FGF14: variants seen among roughly 807,000 people sequenced by gnomAD.
FGF14 encodes fibroblast growth factor homologous factor 4.
Under a neutral mutation model 25.5 loss-of-function variants are expected in FGF14, and 5 were observed. The observed-to-expected ratio is 0.20, with a 90% CI of 0.10 to 0.41. FGF14 has a LOEUF of 0.41. Among genes scored for constraint, FGF14 ranks in the 10% least tolerant of loss-of-function variants. FGF14 has a pLI of 1.00. For synonymous variants in FGF14, 138 were observed against 118.3 expected (o/e 1.17, Z -1.08); for missense variants, 222 against 320.1 (o/e 0.69, Z 2.34).
chr13:102,047,526 G>A (rs2042038330), intron 1 of FGF14, among the ~76,000 whole-genome samples: 1 of 152,160 alleles, frequency 6.6e-6, no homozygotes, highest in African/African-American at 2.4e-5. Context: ...CACGTCCTTT[G>A]CAGGGACATG....
intron 1 of FGF14, among the ~76,000 whole-genome samples, chr13:102,396,559 G>A (rs993875723): frequency 2.0e-5 from 3 of 152,174 alleles, no homozygotes; most frequent in Non-Finnish European, 4.4e-5. Flanking sequence ...AAACATGGAA[G>A]ACTGGGTTCG....
At chr13:101,896,057 C>G (rs1461688859) in intron 1 of FGF14, among the ~76,000 whole-genome samples, 2 of 152,156 alleles carry the variant, frequency 1.3e-5, no homozygotes, top group East Asian at 1.9e-4. Flanking sequence ...CAAAGATATA[C>G]CTATGGGTTC....
At chr13:101,803,128 C>CTT (rs538040504) in intron 3 of FGF14, among the ~76,000 whole-genome samples, 189 of 132,938 alleles carry the variant, frequency 1.4e-3, no homozygotes, top group Middle Eastern at 0.011. Flanking sequence ...CATTTTGAAA[C>CTT]TTTTTTTTTT....
At chr13:102,200,988 G>A (rs535325040) in intron 1 of FGF14, among the ~76,000 whole-genome samples, 1 of 151,664 alleles carries the variant, frequency 6.6e-6, no homozygotes, top group African/African-American at 2.4e-5. Context: ...TGTAGTCCCA[G>A]CTACTGGGGA....
chr13:101,870,630 G>A (rs979315474), intron 2 of FGF14, among the ~76,000 whole-genome samples: 7 of 152,246 alleles, frequency 4.6e-5, no homozygotes, highest in African/African-American at 1.4e-4. Flanking sequence ...AAAAATACTA[G>A]TGTTTTTCCC....
At chr13:102,344,175 A>T (rs1444929031) in intron 1 of FGF14, among the ~76,000 whole-genome samples, 1 of 152,236 alleles carries the variant, frequency 6.6e-6, no homozygotes, top group African/African-American at 2.4e-5. Context: ...TGATATTTTT[A>T]AAATTACCTC....
chr13:101,780,745 A>T (rs2039438659), intron 3 of FGF14, among the ~76,000 whole-genome samples: 1 of 152,054 alleles, frequency 6.6e-6, no homozygotes, highest in African/African-American at 2.4e-5. Context: ...TGTGCAGTTC[A>T]CCCAGAACAG....
chr13:101,831,412 G>A (rs2042665295), intron 3 of FGF14, among the ~76,000 whole-genome samples: 1 of 151,960 alleles, frequency 6.6e-6, no homozygotes, highest in South Asian at 2.1e-4. Flanking sequence ...TCATCAGAGA[G>A]TTATAGGATA....
At chr13:101,781,785 C>T (rs1371540973) in intron 3 of FGF14, among the ~76,000 whole-genome samples, 2 of 152,136 alleles carry the variant, frequency 1.3e-5, no homozygotes, top group Non-Finnish European at 2.9e-5. Flanking sequence ...AGAGAGTTTA[C>T]AGACTTGTTG....
At chr13:102,257,579 T>C (rs2052511598) in intron 1 of FGF14, among the ~76,000 whole-genome samples, 2 of 152,060 alleles carry the variant, frequency 1.3e-5, no homozygotes, top group African/African-American at 2.4e-5. Context: ...GTGATCCACC[T>C]GCCTTGGCCT....
rs369913963 is a variant in FGF14 at position 101,970,687 on chromosome 13, G to A, written c.209-95391C>T. On this transcript the variant is annotated intron_variant, in intron 1 of 4. Transcript: ENST00000376131. ...TGCATTTGCTCTAAACGCCTTCCTT[G>A]GAATCTAAATTAACCAGAGAAGGTG... Among the ~76,000 whole-genome samples, 6 of 152,206 alleles carry A rather than the reference G, an allele frequency of 3.9e-5. No homozygotes were observed. The South Asian group carries it at 8.3e-4, about 21-fold the overall frequency.
intron 1 of FGF14, among the ~76,000 whole-genome samples, chr13:102,286,005 T>A (rs1473252350): frequency 2.0e-5 from 3 of 152,252 alleles, no homozygotes; most frequent in African/African-American, 7.2e-5. Flanking sequence ...GAAGGAAAAC[T>A]CACTGGAATT....
chr13:101,996,373 G>C (rs1225972387), intron 1 of FGF14, among the ~76,000 whole-genome samples: 2 of 152,048 alleles, frequency 1.3e-5, no homozygotes, highest in African/African-American at 2.4e-5. Flanking sequence ...CTTATTTTTG[G>C]AATCAGACTC....
intron 1 of FGF14, among the ~76,000 whole-genome samples, chr13:102,103,383 T>G (rs2044749913): frequency 6.6e-6 from 1 of 152,148 alleles, no homozygotes; most frequent in Non-Finnish European, 1.5e-5. Flanking sequence ...GTTTTTTGAC[T>G]ATTTTCCTGA....
chr13:102,211,058 T>C (rs1350832747), intron 1 of FGF14, among the ~76,000 whole-genome samples: 1 of 152,106 alleles, frequency 6.6e-6, no homozygotes, highest in Non-Finnish European at 1.5e-5. Flanking sequence ...CTCCCTTTAT[T>C]CTCATTTTTT....
intron 3 of FGF14, among the ~76,000 whole-genome samples, chr13:101,812,653 ATTTTT>A (rs869237724): frequency 2.6e-4 from 3 of 11,610 alleles, no homozygotes; most frequent in African/African-American, 8.5e-4. Flanking sequence ...ATATATATAT[ATTTTT>A]TTTTTTTTTT....
chr13:101,889,059 G>A (rs147160491), intron 1 of FGF14, among the ~76,000 whole-genome samples: 127 of 152,208 alleles, frequency 8.3e-4, no homozygotes, highest in African/African-American at 2.9e-3. Flanking sequence ...GACCCAGGGC[G>A]AAGACAGCAT....
chr13:101,895,505 T>C (rs1444135799), intron 1 of FGF14, among the ~76,000 whole-genome samples: 5 of 152,196 alleles, frequency 3.3e-5, no homozygotes, highest in Non-Finnish European at 7.4e-5. Context: ...GACATGAATG[T>C]AACATGTTGT....
At chr13:102,100,781 A>C (rs1015784382) in intron 1 of FGF14, among the ~76,000 whole-genome samples, 1 of 152,202 alleles carries the variant, frequency 6.6e-6, no homozygotes, top group Non-Finnish European at 1.5e-5. Context: ...TTCATATCTT[A>C]AAGATAAATA....
Sources: allele counts gnomAD v4.1 joint callset (sites outside exome capture counted in the v4.1 genomes callset), GRCh38; gene constraint gnomAD v4.1.1; transcripts MANE v1.5; gene names NCBI Gene and HGNC (gene_info 2026-07-23, HGNC 2026-07-21).